KIF13B: variants seen among roughly 807,000 people sequenced by gnomAD.
The protein encoded by KIF13B is kinesin family member 13B.
KIF13B carries 127 observed loss-of-function variants against 222.0 expected under a neutral mutation model. The observed-to-expected ratio is 0.57, with a 90% CI of 0.50 to 0.66. The LOEUF is 0.66. KIF13B is among the 30% of genes least tolerant of loss of function. The pLI is 0.00. For missense variants in KIF13B, 2,173 were observed against 2,379.0 expected, an observed-to-expected ratio of 0.91 and a Z score of 1.80; for synonymous variants, 976 against 919.0, an observed-to-expected ratio of 1.06 and a Z score of -1.12.
At chr8:29,191,234 A>G (rs1457944920) in intron 3 of KIF13B, among the ~76,000 whole-genome samples, 177 bp from the exon 4 acceptor site, 1 of 152,228 alleles carries the variant, frequency 6.6e-6, no homozygotes, top group Non-Finnish European at 1.5e-5. Flanking sequence ...ATATGACTCT[A>G]TATTTTACAT....
At chr8:29,111,652 C>CT (rs35886501) in intron 32 of KIF13B, among the ~76,000 whole-genome samples, 14 of 152,086 alleles carry the variant, frequency 9.2e-5, no homozygotes, top group Middle Eastern at 6.8e-3. Flanking sequence ...AATAAAAGCA[C>CT]TTTTTTTAAA....
intron 14 of KIF13B, among the ~76,000 whole-genome samples, chr8:29,152,946 T>C (rs538541292): frequency 8.5e-5 from 13 of 152,344 alleles, no homozygotes; most frequent in African/African-American, 3.1e-4. Flanking sequence ...TAGACTATAG[T>C]ATAAACCTAA....
intron 2 of KIF13B, among the ~76,000 whole-genome samples, chr8:29,244,286 T>G (rs1426311908): frequency 2.6e-5 from 4 of 152,240 alleles, no homozygotes; most frequent in East Asian, 3.8e-4. Flanking sequence ...GTGCTGGGAT[T>G]ACAGGCGTCA....
chr8:29,250,179 T>A, intron 1 of KIF13B: 1 of 535,628 alleles, frequency 1.9e-6, no homozygotes, highest in South Asian at 1.6e-5. Context: ...GCAAGAACAT[T>A]TCGTCTGCAC....
At chr8:29,185,136 G>A (rs1178359093) in intron 6 of KIF13B, among the ~76,000 whole-genome samples, 1 of 151,998 alleles carries the variant, frequency 6.6e-6, no homozygotes, top group African/African-American at 2.4e-5. Context: ...CGACCACACT[G>A]AACTGCTGGA....
At position 29,212,086 on chromosome 8, in the gene KIF13B, T is replaced by C. The variant is rs113278104; in HGVS notation, c.150-15887A>G. On this transcript the variant is annotated intron_variant, in intron 2 of 39. Coordinates refer to ENST00000524189, the MANE Select transcript of KIF13B (RefSeq NM_015254.4). Reference sequence around the variant, plus strand: ...TTTTGTTTATCCATTTACCAGTTGATAGGCATTTGGGCTGTTTCTAGCGTG... The same window carrying C: ...TTTTGTTTATCCATTTACCAGTTGACAGGCATTTGGGCTGTTTCTAGCGTG... Among the ~76,000 whole-genome samples, 1,204 of 152,338 alleles carry C rather than the reference T, an allele frequency of 7.9e-3. 18 individuals are homozygous for C. Among genetic ancestry groups the C allele is most frequent in the African/African-American group, 0.028 (1,147 of 41,566 alleles).
At chr8:29,218,487 G>A (rs750043584) in intron 2 of KIF13B, among the ~76,000 whole-genome samples, 2 of 152,196 alleles carry the variant, frequency 1.3e-5, no homozygotes, top group African/African-American at 4.8e-5. Flanking sequence ...AGAGACAGAA[G>A]ATGTTAGTTT....
intron 3 of KIF13B, among the ~76,000 whole-genome samples, chr8:29,194,537 C>T (rs1331179588): frequency 6.6e-6 from 1 of 152,172 alleles, no homozygotes; most frequent in Non-Finnish European, 1.5e-5. Flanking sequence ...CTAGGCTAGC[C>T]TAGCTCTATT....
intron 22 of KIF13B, 22 bp from the exon 23 acceptor site, chr8:29,132,487 C>T (rs1181310686): frequency 2.8e-6 from 4 of 1,423,578 alleles, no homozygotes; most frequent in East Asian, 2.6e-5. Context: ...CAGCTAATTA[C>T]AGAAGAGCAA....
intron 35 of KIF13B, among the ~76,000 whole-genome samples, chr8:29,104,829 C>T (rs574913891): frequency 2.0e-5 from 3 of 151,870 alleles, no homozygotes; most frequent in South Asian, 2.1e-4. Flanking sequence ...CTGCAGGCTC[C>T]GCCCCCCGTG....
chr8:29,123,341 A>G, intron 28 of KIF13B, 25 bp downstream of exon 28: 3 of 1,612,632 alleles, frequency 1.9e-6, no homozygotes, highest in Non-Finnish European at 2.5e-6. Context: ...TTCAGACCTC[A>G]CAAGACGCAC....
intron 35 of KIF13B, among the ~76,000 whole-genome samples, chr8:29,107,332 A>G (rs1455655362): frequency 6.6e-6 from 1 of 152,028 alleles, no homozygotes; most frequent in Non-Finnish European, 1.5e-5. Flanking sequence ...GTTTGAGACC[A>G]GCCTGGCCAA....
chr8:29,135,982 G>T (rs1044264612), intron 21 of KIF13B, among the ~76,000 whole-genome samples: 16 of 151,792 alleles, frequency 1.1e-4, no homozygotes, highest in Admixed American at 9.8e-4. Flanking sequence ...TTCCATACTA[G>T]ACATATAATG....
intron 6 of KIF13B, 73 bp downstream of exon 6, chr8:29,186,218 AG>A (rs1441914566): frequency 2.5e-6 from 3 of 1,200,126 alleles, no homozygotes; most frequent in African/African-American, 3.1e-5. Context: ...AAAATTAAAA[AG>A]ATTTGCACTT....
chr8:29,108,576 A>G (rs1468425292), intron 34 of KIF13B, among the ~76,000 whole-genome samples: 1 of 152,220 alleles, frequency 6.6e-6, no homozygotes, highest in Admixed American at 6.5e-5. Flanking sequence ...ATAAACTCAC[A>G]AACTATTTAA....
rs756554484 is a variant in KIF13B at position 29,147,385 on chromosome 8, C to T, written c.2024+7G>A. On this transcript the variant is annotated splice_region_variant and intron_variant, in intron 17 of 39. Transcript: ENST00000524189. ...ATAAAGTTAACAGGCCCCTCTGTGC[C>T]GCCTACCTCTCCTCAGCCCACTGTC... is the stretch of plus-strand genomic sequence containing the variant. 6.9e-6 allele frequency: 11 copies of T among 1,592,772 alleles called. No individual in the cohort carries two copies. The highest frequency in any genetic ancestry group is 3.5e-5 in the Admixed American group (2 of 57,168).
intron 2 of KIF13B, among the ~76,000 whole-genome samples, chr8:29,224,847 G>A (rs1051549974): frequency 2.6e-5 from 4 of 151,972 alleles, no homozygotes; most frequent in African/African-American, 9.7e-5. Flanking sequence ...CACTTTTTTG[G>A]GTATAATTTA....
intron 31 of KIF13B, among the ~76,000 whole-genome samples, chr8:29,114,047 T>C (rs997468663): frequency 1.3e-5 from 2 of 152,334 alleles, no homozygotes; most frequent in Admixed American, 6.5e-5. Context: ...TGCACGGTCA[T>C]TGTTTATGCT....
At position 29,127,244 on chromosome 8, in the gene KIF13B, C is replaced by G. The variant is rs548563840; in HGVS notation, c.3100G>C (p.Glu1034Gln). Residue 1034 changes from glutamate (E) to glutamine (Q), a missense_variant, in exon 25 of 40, where the codon GAA (glutamate) becomes CAA (glutamine). Glu to Gln is a conservative substitution (Grantham distance 29). Coordinates refer to ENST00000524189, the MANE Select transcript of KIF13B (RefSeq NM_015254.4). The stretch of plus-strand genomic sequence containing the variant: ...CCAGATTCCTGCACTGACTTCACTT[C>G]GACTTGAACTCTCCGGGACTGCCCC... ...RQGQSRRVQV[E>Q]VKSVQESGTL... The G allele has an allele frequency of 6.2e-7, 1 of 1,613,870 alleles. No individual in the cohort carries two copies. Among genetic ancestry groups the G allele is most frequent in the African/African-American group, 1.3e-5 (1 of 75,042 alleles).
Sources: allele counts gnomAD v4.1 joint callset (sites outside exome capture counted in the v4.1 genomes callset), GRCh38; gene constraint gnomAD v4.1.1; transcripts MANE v1.5; gene names NCBI Gene and HGNC (gene_info 2026-07-23, HGNC 2026-07-21).